ENTPD5: variants seen among roughly 807,000 people sequenced by gnomAD.
ENTPD5 encodes ectonucleoside triphosphate diphosphohydrolase 5 (inactive), also known as nucleoside diphosphate phosphatase ENTPD5.
In ENTPD5, 49 loss-of-function variants were observed where a neutral mutation model predicts 60.2. The observed-to-expected ratio is 0.81, with a 90% CI of 0.65 to 1.03. ENTPD5 has a LOEUF of 1.03. Ranked by LOEUF, ENTPD5 falls within the 50% of genes least tolerant of loss-of-function variation. The pLI is 0.00. For synonymous variants in ENTPD5, 187 were observed against 185.4 expected (o/e 1.01, Z -0.07); for missense variants, 480 against 507.6 (o/e 0.95, Z 0.52).
intron 3 of ENTPD5, among the ~76,000 whole-genome samples, chr14:74,006,284 C>CTTTT (rs1224060585): frequency 1.5e-5 from 2 of 130,000 alleles, no homozygotes; most frequent in African/African-American, 2.8e-5. Flanking sequence ...CTCGCCAAGC[C>CTTTT]TTTTTTTTTT....
intron 5 of ENTPD5, among the ~76,000 whole-genome samples, chr14:73,984,732 T>C (rs987556798): frequency 1.3e-5 from 2 of 152,142 alleles, no homozygotes; most frequent in Non-Finnish European, 2.9e-5. Flanking sequence ...ACTATTCAAA[T>C]ATACCCCTGA....
At chr14:73,986,065 C>A (rs2057890567) in intron 5 of ENTPD5, among the ~76,000 whole-genome samples, 1 of 141,132 alleles carries the variant, frequency 7.1e-6, no homozygotes, top group Non-Finnish European at 1.5e-5. Flanking sequence ...GAGTGATACT[C>A]CGTCAAAAAA....
At chr14:73,959,701 C>T, downstream of ENTPD5, 1 of 1,267,096 alleles carries the variant, frequency 7.9e-7, no homozygotes, top group Non-Finnish European at 1.1e-6. Flanking sequence ...TCCTAAGTAG[C>T]TGGGACTACA....
At chr14:73,956,461 A>G (rs1374211426), downstream of ENTPD5, 1 of 159,072 alleles carries the variant, frequency 6.3e-6, no homozygotes, top group Admixed American at 5.9e-5. Flanking sequence ...AGGCTATACA[A>G]TTTCACTTTC....
chr14:73,967,377 G>A (rs1033327702), intron 15 of ENTPD5, among the ~76,000 whole-genome samples: 52 of 152,220 alleles, frequency 3.4e-4, no homozygotes, highest in African/African-American at 1.2e-3. Context: ...TTCAGATAAG[G>A]CAACTTGTAA....
chr14:73,969,976 G>A, intron 15 of ENTPD5, 34 bp downstream of exon 15: 1 of 1,418,024 alleles, frequency 7.1e-7, no homozygotes. Flanking sequence ...CACAAAAGAG[G>A]GCTGTTATGA....
Position 73,974,938 on chromosome 14 carries a change from G to T in ENTPD5, c.770C>A (p.Ala257Asp), listed in dbSNP as rs746916403. 1.2e-6 allele frequency: 2 copies of T among 1,613,564 alleles called. No homozygotes were observed. The highest frequency in any genetic ancestry group is 1.7e-6 in the Non-Finnish European group (2 of 1,179,612). The change falls in exon 11 of 16, where the codon GCC (alanine) becomes GAC (aspartate). Residue 257 changes from alanine to aspartate, a missense_variant. Ala to Asp is a moderately radical substitution (Grantham distance 126). Transcript: ENST00000334696. The part of the protein sequence containing the change: ...LKAARLATLG[A>D]LETEGTDGHT... ...CCCAGACAAACCTTCTGTCTCCAGG[G>T]CTCCCAGGGTTGCTAGTCTTGCAGC... is the stretch of plus-strand genomic sequence containing the variant.
At chr14:73,958,245 G>C, downstream of ENTPD5, 1 of 1,614,094 alleles carries the variant, frequency 6.2e-7, no homozygotes, top group Non-Finnish European at 8.5e-7. Context: ...TATTACCCTA[G>C]GTGATGGCAG....
chr14:73,956,283 A>T (rs752363258), downstream of ENTPD5: 3 of 260,094 alleles, frequency 1.2e-5, no homozygotes, highest in Admixed American at 1.4e-4. Flanking sequence ...AGCCGAGATC[A>T]CGCCACTGCA....
At chr14:73,960,871 G>C (rs765096163), downstream of ENTPD5, 2 of 470,634 alleles carry the variant, frequency 4.2e-6, no homozygotes, top group Non-Finnish European at 7.8e-6. Flanking sequence ...GAGGTAGAAG[G>C]ATACTGTGTG....
chr14:73,984,686 T>A (rs1193570276), intron 5 of ENTPD5, among the ~76,000 whole-genome samples: 1 of 148,772 alleles, frequency 6.7e-6, no homozygotes. Flanking sequence ...TTTTCTTTTT[T>A]AATTATTTAT....
At chr14:73,993,363 A>C (rs928608838) in intron 3 of ENTPD5, among the ~76,000 whole-genome samples, 1 of 152,154 alleles carries the variant, frequency 6.6e-6, no homozygotes, top group Non-Finnish European at 1.5e-5. Flanking sequence ...AAATAACTAG[A>C]TTTGGTCTTA....
intron 3 of ENTPD5, among the ~76,000 whole-genome samples, chr14:73,995,073 G>T: frequency 6.9e-6 from 1 of 144,190 alleles, no homozygotes; most frequent in Admixed American, 7.0e-5. Flanking sequence ...TTTAAATACA[G>T]AGTCTTGCTC....
At position 73,983,162 on chromosome 14, in the gene ENTPD5, C is replaced by A. The variant is rs1594884537; in HGVS notation, c.298-1G>T. On this transcript the variant is annotated splice_acceptor_variant, in intron 5 of 15. Transcript: ENST00000334696. LOFTEE classifies it high-confidence loss of function. ...AGAGCCCTTGAACGGTCTCAGCACC[C>A]TTCAAAAGAGATAACCCGTTCATCT... The A allele has an allele frequency of 1.9e-6, 3 of 1,609,390 alleles. No homozygotes were observed. Among genetic ancestry groups the A allele is most frequent in the Non-Finnish European group, 2.5e-6 (3 of 1,177,652 alleles).
At chr14:74,001,599 C>T (rs572020678) in intron 3 of ENTPD5, among the ~76,000 whole-genome samples, 34 of 133,826 alleles carry the variant, frequency 2.5e-4, no homozygotes, top group Non-Finnish European at 4.7e-4. Context: ...ACCTGGGAGG[C>T]GGAGGTTGCA....
At chr14:73,970,983 C>T (rs1256045709) in intron 14 of ENTPD5, among the ~76,000 whole-genome samples, 1 of 151,884 alleles carries the variant, frequency 6.6e-6, no homozygotes, top group East Asian at 1.9e-4. Context: ...AACCACTGTG[C>T]CTAGCTCTCT....
downstream of ENTPD5, among the ~76,000 whole-genome samples, chr14:73,957,060 G>C (rs1783290955): frequency 6.6e-6 from 1 of 151,226 alleles, no homozygotes; most frequent in South Asian, 2.1e-4. Context: ...ACCTTTCTTT[G>C]TTGTCCAGAC....
At chr14:73,982,674 T>A (rs951635565) in intron 6 of ENTPD5, among the ~76,000 whole-genome samples, 10 of 152,042 alleles carry the variant, frequency 6.6e-5, no homozygotes, top group African/African-American at 2.4e-4. Flanking sequence ...GAGAATGGCA[T>A]TAACCTGGGA....
downstream of ENTPD5, chr14:73,963,098 T>C: frequency 1.0e-6 from 1 of 1,002,672 alleles, no homozygotes; most frequent in Non-Finnish European, 1.6e-6. Flanking sequence ...TTAATAAACT[T>C]ACTTTACATT....
Sources: allele counts gnomAD v4.1 joint callset (sites outside exome capture counted in the v4.1 genomes callset), GRCh38; gene constraint gnomAD v4.1.1; transcripts MANE v1.5; gene names NCBI Gene and HGNC (gene_info 2026-07-23, HGNC 2026-07-21).